DHX30: variants seen among roughly 807,000 people sequenced by gnomAD.
The protein encoded by DHX30 is ATP-dependent RNA helicase DHX30.
In DHX30, 4 loss-of-function variants were observed where a neutral mutation model predicts 116.9. The observed-to-expected ratio is 0.03, with a 90% CI of 0.02 to 0.08. The LOEUF (loss-of-function observed/expected upper bound fraction) is 0.08. Ranked by LOEUF, DHX30 falls within the 10% of genes least tolerant of loss-of-function variation. The pLI is 1.00. For missense variants in DHX30, 871 were observed against 1,595.1 expected (o/e 0.55, Z 7.73); for synonymous variants, 697 against 651.7 (o/e 1.07, Z -1.06).
At chr3:47,846,104 C>A in intron 10 of DHX30, 61 bp from the exon 11 acceptor site, 1 of 1,544,698 alleles carries the variant, frequency 6.5e-7, no homozygotes, top group Non-Finnish European at 8.8e-7. Flanking sequence ...TGCAGAGTGG[C>A]TGGTTGTGTG....
chr3:47,841,541 C>A, intron 7 of DHX30, 76 bp from the exon 8 acceptor site: 7 of 1,600,572 alleles, frequency 4.4e-6, no homozygotes, highest in Non-Finnish European at 6.0e-6. Flanking sequence ...AGCGTCCTCA[C>A]CCCTACATCG....
Position 47,840,877 on chromosome 3 carries a change from G to T in DHX30, c.367G>T (p.Gly123Cys). The T allele has an allele frequency of 1.9e-6, 3 of 1,614,140 alleles. No individual in the cohort carries two copies. The highest frequency in any genetic ancestry group is 2.5e-6 in the Non-Finnish European group (3 of 1,180,028). Residue 123 changes from glycine to cysteine, a missense_variant and splice_region_variant, in exon 7 of 22, where the codon GGT becomes TGT. Physicochemically the swap from Gly to Cys is radical, Grantham distance 159 (BLOSUM62 -3). Coordinates refer to ENST00000445061, the MANE Select transcript of DHX30 (RefSeq NM_138615.3). Reference protein sequence around the residue: ...AAAAACQLFKGWGLLGPRNEL... With the variant: ...AAAAACQLFKCWGLLGPRNEL... ...TTAAAACGTCCCTTTTCCCCTCCAG[G>T]GTTGGGGTCTGCTAGGTCCCCGGAA...
intron 3 of DHX30, among the ~76,000 whole-genome samples, chr3:47,812,557 CAA>C (rs879626832): frequency 8.1e-5 from 8 of 99,360 alleles, no homozygotes; most frequent in Admixed American, 1.1e-4. Context: ...GAATCCATCT[CAA>C]AAAAAAAAAA....
intron 4 of DHX30, among the ~76,000 whole-genome samples, chr3:47,818,442 G>A (rs914776523): frequency 4.3e-4 from 65 of 152,230 alleles, no homozygotes; most frequent in African/African-American, 1.5e-3. Context: ...GCTCCTAGAA[G>A]TCCCTGATCA....
rs2037378455 is a variant in DHX30, at chr3:47,841,609, C to T, written c.669-8C>T. On this transcript the variant is annotated splice_region_variant and splice_polypyrimidine_tract_variant and intron_variant, in intron 7 of 21. Coordinates refer to ENST00000445061, the MANE Select transcript of DHX30 (RefSeq NM_138615.3). ...GAATTCTTTCAGTTAAACTTTTGGT[C>T]CTCCCAGGGGGAGTTCCTTTGAGAT... 1 of 1,613,840 alleles carries T rather than the reference C, an allele frequency of 6.2e-7. No homozygotes were observed. The highest frequency in any genetic ancestry group is 8.5e-7 in the Non-Finnish European group (1 of 1,179,956).
At chr3:47,808,757 C>A (rs1179019255) in intron 2 of DHX30, among the ~76,000 whole-genome samples, 1 of 149,614 alleles carries the variant, frequency 6.7e-6, no homozygotes, top group Non-Finnish European at 1.5e-5. Flanking sequence ...TGTATTTTTA[C>A]TGGGGGCGAG....
At chr3:47,820,557 C>G (rs1385454656) in intron 4 of DHX30, among the ~76,000 whole-genome samples, 1 of 152,122 alleles carries the variant, frequency 6.6e-6, no homozygotes, top group African/African-American at 2.4e-5. Context: ...TTCCACTGTC[C>G]CTGCGGAAGT....
intron 3 of DHX30, among the ~76,000 whole-genome samples, chr3:47,813,715 C>T (rs896722031): frequency 2.6e-5 from 4 of 152,050 alleles, no homozygotes; most frequent in Admixed American, 6.6e-5. Context: ...TTGTGTTCCT[C>T]GAGGCCTGGG....
rs779224759 is a variant in DHX30, at chr3:47,847,785, C to T, written c.2115C>T (p.His705=). Residue 705 remains histidine (H), a synonymous_variant, in exon 14 of 22, where the codon CAC becomes CAT. Coordinates refer to ENST00000445061, the MANE Select transcript of DHX30 (RefSeq NM_138615.3). The surrounding 1 kb of genome is among the most constrained non-coding windows in gnomAD (Gnocchi z 5.5). ...HESKYLILPV[H]SNIPMMDQKA... is the part of the protein sequence containing the mutation. ...GGTGTGTGTCTTGCCCACCAGTGCA[C>T]TCCAACATCCCCATGATGGATCAGA... 3 of 1,613,276 alleles carry T rather than the reference C, an allele frequency of 1.9e-6. No homozygotes were observed. The Admixed American group carries it at 5.0e-5, about 27-fold the overall frequency.
At chr3:47,827,502 A>G (rs1440197863) in intron 5 of DHX30, 25 bp downstream of exon 5, 2 of 1,603,542 alleles carry the variant, frequency 1.2e-6, no homozygotes, top group African/African-American at 2.7e-5. Flanking sequence ...GGCAAGGAAA[A>G]ACATTGGTAT....
intron 6 of DHX30, among the ~76,000 whole-genome samples, chr3:47,830,534 C>G (rs1285056110): frequency 6.6e-6 from 1 of 152,076 alleles, no homozygotes; most frequent in Non-Finnish European, 1.5e-5. Flanking sequence ...CTCCTGGCCT[C>G]AAACAGTCCT....
intron 6 of DHX30, among the ~76,000 whole-genome samples, chr3:47,834,488 G>T (rs1047440159): frequency 6.6e-6 from 1 of 151,998 alleles, no homozygotes; most frequent in East Asian, 1.9e-4. Flanking sequence ...TATTTATTTT[G>T]AGACAGGGTC....
At chr3:47,842,187 C>G (rs757848590) in intron 8 of DHX30, 2 of 163,234 alleles carry the variant, frequency 1.2e-5, no homozygotes, top group African/African-American at 4.8e-5. Context: ...CTAAGAAAGC[C>G]GTACAAACCC....
At chr3:47,810,913 C>G (rs940530972) in intron 3 of DHX30, among the ~76,000 whole-genome samples, 4 of 152,118 alleles carry the variant, frequency 2.6e-5, no homozygotes, top group Admixed American at 6.6e-5. Flanking sequence ...ATGCTTCCTC[C>G]CAGTGCCCCC....
chr3:47,807,533 C>G (rs1231847697), intron 2 of DHX30, among the ~76,000 whole-genome samples: 1 of 151,400 alleles, frequency 6.6e-6, no homozygotes, highest in East Asian at 2.0e-4. Flanking sequence ...GAAAGCCCAT[C>G]TCTACTAAAA....
chr3:47,817,201 G>A (rs1344277653), intron 3 of DHX30, among the ~76,000 whole-genome samples: 1 of 152,154 alleles, frequency 6.6e-6, no homozygotes, highest in Non-Finnish European at 1.5e-5. Context: ...AGCAAAGAGT[G>A]CATGCATTTC....
At chr3:47,803,614 ACTT>A (rs1467356311) in intron 1 of DHX30, among the ~76,000 whole-genome samples, 1 of 152,082 alleles carries the variant, frequency 6.6e-6, no homozygotes, top group African/African-American at 2.4e-5. Context: ...ACCTTTGTCT[ACTT>A]CTCCTCCTTC....
intron 6 of DHX30, 56 bp from the exon 7 acceptor site, chr3:47,840,821 G>A: frequency 1.2e-6 from 2 of 1,607,864 alleles, no homozygotes; most frequent in Non-Finnish European, 1.7e-6. Flanking sequence ...CACGGACCAG[G>A]CCGACTGAGG....
rs1271104850 is a variant in DHX30 at position 47,845,712 on chromosome 3, G to A, written c.952G>A (p.Val318Met). 1.9e-6 allele frequency: 3 copies of A among 1,601,198 alleles called. No individual in the cohort carries two copies. Among genetic ancestry groups the A allele is most frequent in the Non-Finnish European group, 8.5e-7 (1 of 1,169,740 alleles). ...TGTCCCCCTGCAGAGCCTGGGCCTG[G>A]TGGACAGGAACAACGAACCGCTTAC... Reference protein sequence around the residue: ...ACKKLKSLGLVDRNNEPLTHA... With the variant: ...ACKKLKSLGLMDRNNEPLTHA... The change falls in exon 10 of 22, where the codon GTG becomes ATG. Residue 318 changes from valine to methionine, a missense_variant. Val to Met is a conservative substitution (Grantham distance 21, BLOSUM62 1). Coordinates refer to ENST00000445061, the MANE Select transcript of DHX30 (RefSeq NM_138615.3).
Sources: gnomAD v4.1 joint callset for allele counts (sites outside exome capture counted in the v4.1 genomes callset) on GRCh38, gnomAD v4.1.1 for gene constraint, Gnocchi (gnomAD v3.1) non-coding constraint, MANE v1.5 for transcripts, NCBI Gene and HGNC (gene_info 2026-07-23, HGNC 2026-07-21) for gene names.